ST6GALNAC3: variants seen among roughly 807,000 people sequenced by gnomAD.
ST6GALNAC3 encodes the protein alpha-N-acetylgalactosaminide alpha-2,6-sialyltransferase 3.
ST6GALNAC3 carries 25 observed loss-of-function variants against 32.7 expected under a neutral mutation model. The observed-to-expected ratio is 0.76, with a 90% confidence interval of 0.56 to 1.07. The LOEUF is 1.07. Ranked by LOEUF, ST6GALNAC3 falls within the 50% of genes least tolerant of loss-of-function variation. The pLI, the probability that ST6GALNAC3 is intolerant of heterozygous loss-of-function variation, is 0.00. For missense variants in ST6GALNAC3, 355 were observed against 382.4 expected (o/e 0.93, Z 0.60); for synonymous variants, 129 against 133.1 (o/e 0.97, Z 0.21).
intron 3 of ST6GALNAC3, among the ~76,000 whole-genome samples, chr1:76,551,517 CT>C (rs1664637736): frequency 1.3e-5 from 2 of 152,030 alleles, no homozygotes; most frequent in Admixed American, 1.3e-4. Flanking sequence ...AGCTTGGATT[CT>C]GGTGTCAATG....
chr1:76,386,527 A>G (rs1484221005), intron 2 of ST6GALNAC3, among the ~76,000 whole-genome samples: 1 of 152,138 alleles, frequency 6.6e-6, no homozygotes, highest in Non-Finnish European at 1.5e-5. Flanking sequence ...CTCCTTCCTT[A>G]TTTTAAAATC....
At chr1:76,609,198 T>C (rs995544724) in intron 3 of ST6GALNAC3, among the ~76,000 whole-genome samples, 1 of 152,208 alleles carries the variant, frequency 6.6e-6, no homozygotes, top group Non-Finnish European at 1.5e-5. Context: ...AACAATTATT[T>C]CATCTAGGTA....
At chr1:76,597,101 T>C (rs1647149319) in intron 3 of ST6GALNAC3, among the ~76,000 whole-genome samples, 1 of 152,168 alleles carries the variant, frequency 6.6e-6, no homozygotes, top group Non-Finnish European at 1.5e-5. Context: ...ATCTTTCTAC[T>C]GAGTAGCTTC....
At chr1:76,137,988 C>G (rs901897720) in intron 1 of ST6GALNAC3, among the ~76,000 whole-genome samples, 7 of 152,358 alleles carry the variant, frequency 4.6e-5, no homozygotes, top group Non-Finnish European at 1.0e-4. Flanking sequence ...AACCTTCATT[C>G]TGTTGTGGTA....
intron 1 of ST6GALNAC3, among the ~76,000 whole-genome samples, chr1:76,184,729 G>A (rs1239492689): frequency 6.6e-6 from 1 of 152,152 alleles, no homozygotes; most frequent in Non-Finnish European, 1.5e-5. Context: ...TTAAATCGGG[G>A]CTCACTCTAC....
Position 76,500,730 on chromosome 1 carries a change from C to G in ST6GALNAC3, c.623+88313C>G, listed in dbSNP as rs184355815. Among the ~76,000 whole-genome samples the G allele has an allele frequency of 1.7e-3, 266 of 152,266 alleles. 1 individual carries two copies. The highest frequency in any genetic ancestry group is 6.3e-3 in the African/African-American group (260 of 41,558). The stretch of plus-strand genomic sequence containing the variant: ...AGTAATAAAGAAAGCTTCTCATAAT[C>G]TCAGAGACTTTGCAAAGACCTGGTG... On this transcript the variant is annotated intron_variant, in intron 3 of 4. Transcript: ENST00000328299.
chr1:76,175,300 C>T (rs1652780590), intron 1 of ST6GALNAC3, among the ~76,000 whole-genome samples: 1 of 152,094 alleles, frequency 6.6e-6, no homozygotes, highest in Non-Finnish European at 1.5e-5. Flanking sequence ...CTTGTTTTTT[C>T]CTACCCTCTC....
At chr1:76,326,969 G>A (rs1229135932) in intron 2 of ST6GALNAC3, among the ~76,000 whole-genome samples, 1 of 151,694 alleles carries the variant, frequency 6.6e-6, no homozygotes, top group Non-Finnish European at 1.5e-5. Context: ...TTTAAAGACA[G>A]TACTTCTAAT....
intron 1 of ST6GALNAC3, among the ~76,000 whole-genome samples, chr1:76,293,303 A>G (rs900309054): frequency 1.3e-5 from 2 of 152,218 alleles, no homozygotes; most frequent in Non-Finnish European, 2.9e-5. Flanking sequence ...TTTGATCAAC[A>G]GTACTGGCAT....
chr1:76,478,852 T>C (rs1269647643), intron 3 of ST6GALNAC3, among the ~76,000 whole-genome samples: 1 of 146,434 alleles, frequency 6.8e-6, no homozygotes, highest in African/African-American at 2.5e-5. Flanking sequence ...AAGCTCTGCC[T>C]CCTGGGTTCA....
chr1:76,537,803 C>T (rs1470432892), intron 3 of ST6GALNAC3, among the ~76,000 whole-genome samples: 1 of 152,050 alleles, frequency 6.6e-6, no homozygotes, highest in Non-Finnish European at 1.5e-5. Context: ...ATACACCCTC[C>T]CAAGACTAAA....
At chr1:76,556,596 T>C (rs192413164) in intron 3 of ST6GALNAC3, among the ~76,000 whole-genome samples, 3 of 152,284 alleles carry the variant, frequency 2.0e-5, no homozygotes, top group Non-Finnish European at 4.4e-5. Context: ...TACCTCATTA[T>C]GGCTTTGGTT....
At chr1:76,276,590 T>C (rs1256925532) in intron 1 of ST6GALNAC3, among the ~76,000 whole-genome samples, 2 of 152,134 alleles carry the variant, frequency 1.3e-5, no homozygotes, top group Non-Finnish European at 2.9e-5. Flanking sequence ...TTAAGTCGGC[T>C]CTAGTTTGGG....
chr1:76,345,077 T>C (rs978287309), intron 2 of ST6GALNAC3, among the ~76,000 whole-genome samples: 2 of 152,124 alleles, frequency 1.3e-5, no homozygotes, highest in Admixed American at 6.6e-5. Flanking sequence ...TTCATGTTGA[T>C]CCCCTAGCTG....
intron 1 of ST6GALNAC3, among the ~76,000 whole-genome samples, chr1:76,111,891 C>T (rs563953275): frequency 6.6e-6 from 1 of 152,318 alleles, no homozygotes; most frequent in South Asian, 2.1e-4. Flanking sequence ...CCCCACCTTT[C>T]CCCCCTTTCT....
Position 76,111,154 on chromosome 1 carries a change from C to G in ST6GALNAC3, c.18+36270C>G, listed in dbSNP as rs2706204. 1.0e-2 allele frequency among the ~76,000 whole-genome samples: 1,522 copies of G among 152,222 alleles called. 34 individuals carry two copies. The highest frequency in any genetic ancestry group is 0.035 in the African/African-American group (1,461 of 41,542). ...TTGCTCTCTAGTTTCTGTGACTTAC[C>G]AATCTCTAATAACTCAAAAATGGTT... On this transcript the variant is annotated intron_variant, in intron 1 of 4. Transcript: ENST00000328299.
intron 3 of ST6GALNAC3, among the ~76,000 whole-genome samples, chr1:76,452,159 G>A (rs1046807507): frequency 6.6e-6 from 1 of 152,112 alleles, no homozygotes; most frequent in African/African-American, 2.4e-5. Context: ...AATCATGGGG[G>A]CAGGTCTTTT....
chr1:76,273,701 G>A (rs769502616), intron 1 of ST6GALNAC3, among the ~76,000 whole-genome samples: 1 of 152,098 alleles, frequency 6.6e-6, no homozygotes, highest in East Asian at 1.9e-4. Context: ...GTGGCATATC[G>A]GTCTGAAAAG....
chr1:76,338,026 C>A (rs902898518), intron 2 of ST6GALNAC3, among the ~76,000 whole-genome samples: 7 of 152,076 alleles, frequency 4.6e-5, no homozygotes, highest in African/African-American at 7.2e-5. Flanking sequence ...CTATCTTGGA[C>A]CTTTTAGTTA....
Sources: gnomAD v4.1 joint callset for allele counts (sites outside exome capture counted in the v4.1 genomes callset) on GRCh38, gnomAD v4.1.1 for gene constraint, MANE v1.5 for transcripts, NCBI Gene and HGNC (gene_info 2026-07-23, HGNC 2026-07-21) for gene names.